LRRC7: variants seen among roughly 807,000 people sequenced by gnomAD.
LRRC7 encodes leucine-rich repeat-containing protein 7.
In LRRC7, 23 loss-of-function variants were observed where a neutral mutation model predicts 175.7. The observed-to-expected ratio is 0.13, with a 90% CI of 0.09 to 0.19. The LOEUF (loss-of-function observed/expected upper bound fraction) is 0.19, where lower values mean the gene tolerates loss of function less well. LRRC7 is among the 10% of genes least tolerant of loss of function. The probability of loss-of-function intolerance (pLI) is 1.00; values close to 1 mark genes in which losing one functional copy is unlikely to be tolerated. For missense variants in LRRC7, 1,354 were observed against 1,904.7 expected (o/e 0.71, Z 5.38); for synonymous variants, 685 against 680.9 (o/e 1.01, Z -0.09).
intron 5 of LRRC7, among the ~76,000 whole-genome samples, chr1:69,826,893 G>C (rs1286263151): frequency 6.6e-6 from 1 of 152,056 alleles, no homozygotes; most frequent in Non-Finnish European, 1.5e-5. Context: ...TGGATGATGG[G>C]AAGAGGCTCT....
chr1:69,602,602 G>C (rs1347194842), intron 1 of LRRC7, among the ~76,000 whole-genome samples: 2 of 152,044 alleles, frequency 1.3e-5, no homozygotes, highest in Admixed American at 6.6e-5. Context: ...GTCACAAACT[G>C]GGTAGCTAAA....
At chr1:69,939,952 T>G (rs934294473) in intron 8 of LRRC7, among the ~76,000 whole-genome samples, 4 of 152,120 alleles carry the variant, frequency 2.6e-5, no homozygotes, top group African/African-American at 9.7e-5. Context: ...CAATTTACTT[T>G]GAGACATACT....
At chr1:69,628,484 G>C (rs1208984294) in intron 1 of LRRC7, among the ~76,000 whole-genome samples, 4 of 152,120 alleles carry the variant, frequency 2.6e-5, no homozygotes, top group African/African-American at 4.8e-5. Context: ...AAATAACTAA[G>C]TAAACTCAGA....
In LRRC7 at chr1:70,124,662, T is replaced by C. The variant is rs1476385170; in HGVS notation, c.*2775T>C. Among the ~76,000 whole-genome samples the C allele has an allele frequency of 6.6e-6, 1 of 152,066 alleles. No individual in the cohort carries two copies. The highest frequency in any genetic ancestry group is 1.5e-5 in the Non-Finnish European group (1 of 68,008). On this transcript the variant is annotated 3_prime_UTR_variant, in exon 27 of 27. Coordinates refer to ENST00000651989, the MANE Select transcript of LRRC7 (RefSeq NM_001370785.2). Reference sequence around the variant, plus strand: ...GATGAAAACCAATTATACATTGATTTTTGATTATTGACTTTTTGCAGTAAC... The same window carrying C: ...GATGAAAACCAATTATACATTGATTCTTGATTATTGACTTTTTGCAGTAAC...
rs139371115 is a variant in LRRC7 at position 69,862,424 on chromosome 1, T to C, written c.647+24141T>C. ...TAAAACTGAGTATTTTCACTGATTA[T>C]TATAGGGAGGAGTACAGTAAAAGAC... On this transcript the variant is annotated intron_variant, in intron 7 of 26. Transcript: ENST00000651989. Among the ~76,000 whole-genome samples, 415 of 152,268 alleles carry C rather than the reference T, an allele frequency of 2.7e-3. 1 individual carries two copies. Among genetic ancestry groups the C allele is most frequent in the African/African-American group, 8.9e-3 (371 of 41,556 alleles).
chr1:69,871,057 C>T, intron 7 of LRRC7, among the ~76,000 whole-genome samples: 1 of 151,358 alleles, frequency 6.6e-6, no homozygotes, highest in Non-Finnish European at 1.5e-5. Context: ...AATTCATTGA[C>T]TTTTAATAAT....
intron 2 of LRRC7, among the ~76,000 whole-genome samples, chr1:69,717,395 T>C (rs1169992385): frequency 1.3e-5 from 2 of 151,790 alleles, no homozygotes; most frequent in Non-Finnish European, 3.0e-5. Flanking sequence ...GAATGATAAA[T>C]ACTTCACAGA....
chr1:69,638,175 C>T (rs944796253), intron 1 of LRRC7, among the ~76,000 whole-genome samples: 6 of 151,858 alleles, frequency 4.0e-5, no homozygotes, highest in African/African-American at 1.2e-4. Flanking sequence ...CTCAATGTTG[C>T]TTAATTTAAA....
intron 1 of LRRC7, among the ~76,000 whole-genome samples, chr1:69,605,847 T>C (rs942939965): frequency 1.3e-5 from 2 of 152,112 alleles, no homozygotes; most frequent in African/African-American, 2.4e-5. Flanking sequence ...AAATCTACTT[T>C]GACTAGATTA....
intron 7 of LRRC7, among the ~76,000 whole-genome samples, chr1:69,896,770 A>T (rs10889860): frequency 0.56 from 84,336 of 151,904 alleles, 23,468 homozygotes; most frequent in East Asian, 0.7. Context: ...AAAAAGAGAA[A>T]GTCTAACTTT....
chr1:69,754,744 T>A (rs948268769), intron 2 of LRRC7, among the ~76,000 whole-genome samples: 1 of 152,056 alleles, frequency 6.6e-6, no homozygotes, highest in Non-Finnish European at 1.5e-5. Context: ...ATTATGTGCA[T>A]GTGACATACA....
At chr1:69,711,727 T>C (rs1479272857) in intron 2 of LRRC7, among the ~76,000 whole-genome samples, 2 of 152,204 alleles carry the variant, frequency 1.3e-5, no homozygotes, top group Non-Finnish European at 2.9e-5. Flanking sequence ...AATATTACAG[T>C]GTCTAGAGTC....
At chr1:70,003,980 T>G (rs1290912388) in intron 11 of LRRC7, among the ~76,000 whole-genome samples, 1 of 152,210 alleles carries the variant, frequency 6.6e-6, no homozygotes, top group African/African-American at 2.4e-5. Flanking sequence ...AACGTAATTT[T>G]TTTGCAAATT....
intron 11 of LRRC7, among the ~76,000 whole-genome samples, chr1:70,007,732 T>C (rs1268767129): frequency 1.3e-5 from 2 of 152,174 alleles, no homozygotes; most frequent in Non-Finnish European, 2.9e-5. Flanking sequence ...CTTTTGTGCT[T>C]TCAGTGTCAT....
At chr1:70,052,406 C>T (rs1445591324) in intron 22 of LRRC7, among the ~76,000 whole-genome samples, 1 of 151,702 alleles carries the variant, frequency 6.6e-6, no homozygotes, top group African/African-American at 2.4e-5. Flanking sequence ...ATTTGGTAAT[C>T]AAAACAGTCA....
intron 7 of LRRC7, chr1:69,919,517 G>A (rs1007356902): frequency 3.6e-6 from 3 of 832,490 alleles, no homozygotes; most frequent in East Asian, 5.3e-5. Context: ...GAGCCCGCCA[G>A]GGTCCGCCGC....
At position 69,759,826 on chromosome 1, in the gene LRRC7, G is replaced by A. The variant is rs185432613; in HGVS notation, c.101-365G>A. ...AAGTTTCTGTTCTACACTGTAATTT[G>A]TGTAAAAATAGAAAACATATTATAG... On this transcript the variant is annotated intron_variant, in intron 2 of 26. Transcript: ENST00000651989. Among the ~76,000 whole-genome samples the A allele has an allele frequency of 1.2e-3, 176 of 152,094 alleles. 1 individual carries two copies. Among genetic ancestry groups the A allele is most frequent in the Non-Finnish European group, 2.1e-3 (146 of 67,952 alleles).
At chr1:69,738,075 G>C (rs1570574281) in intron 2 of LRRC7, among the ~76,000 whole-genome samples, 1 of 152,134 alleles carries the variant, frequency 6.6e-6, no homozygotes, top group Middle Eastern at 3.4e-3. Context: ...GACACATCTT[G>C]TCTGGGCTTA....
chr1:69,702,175 A>G (rs1288568726), intron 2 of LRRC7, among the ~76,000 whole-genome samples: 1 of 152,204 alleles, frequency 6.6e-6, no homozygotes, highest in African/African-American at 2.4e-5. Flanking sequence ...GAGAATGAAT[A>G]ATGTTACCTA....
Sources: allele counts gnomAD v4.1 joint callset (sites outside exome capture counted in the v4.1 genomes callset), GRCh38; gene constraint gnomAD v4.1.1; transcripts MANE v1.5; gene names NCBI Gene and HGNC (gene_info 2026-07-23, HGNC 2026-07-21).